Variants in TRAPPC12 observed in about 807,000 individuals in gnomAD.
The protein encoded by TRAPPC12 is trafficking protein particle complex subunit 12.
Under a neutral mutation model 69.2 loss-of-function variants are expected in TRAPPC12, and 61 were observed. The observed-to-expected ratio is 0.88, with a 90% CI of 0.72 to 1.09. The LOEUF (loss-of-function observed/expected upper bound fraction) is 1.09. Ranked by LOEUF, TRAPPC12 falls within the 50% of genes least tolerant of loss-of-function variation. TRAPPC12 has a pLI of 0.00. For synonymous variants in TRAPPC12, 469 were observed against 438.9 expected, an observed-to-expected ratio of 1.07 and a Z score of -0.86; for missense variants, 1,101 against 1,016.4, an observed-to-expected ratio of 1.08 and a Z score of -1.13.
intron 3 of TRAPPC12, among the ~76,000 whole-genome samples, chr2:3,402,836 G>A (rs1167871856): frequency 6.6e-6 from 1 of 152,182 alleles, no homozygotes; most frequent in African/African-American, 2.4e-5. Flanking sequence ...CCCCAGTGTT[G>A]TCTCCTTAGG....
At chr2:3,442,144 AGTCTGT>A (rs1664253545) in intron 5 of TRAPPC12, among the ~76,000 whole-genome samples, 1 of 152,086 alleles carries the variant, frequency 6.6e-6, no homozygotes, top group African/African-American at 2.4e-5. Context: ...ATTAACAGCT[AGTCTGT>A]ACGTTGAGAT....
At chr2:3,431,170 C>T (rs898387162) in intron 5 of TRAPPC12, among the ~76,000 whole-genome samples, 38 of 152,252 alleles carry the variant, frequency 2.5e-4, no homozygotes, top group Non-Finnish European at 5.9e-5. Flanking sequence ...CCTTGAGGCC[C>T]TAGGCCACCT....
intron 2 of TRAPPC12, among the ~76,000 whole-genome samples, chr2:3,395,715 A>T (rs1351837971): frequency 1.3e-5 from 2 of 149,620 alleles, no homozygotes; most frequent in East Asian, 3.9e-4. Flanking sequence ...GGCACGCACC[A>T]CCACGCCCAG....
At chr2:3,433,612 A>AT (rs775523072) in intron 5 of TRAPPC12, among the ~76,000 whole-genome samples, 1 of 152,118 alleles carries the variant, frequency 6.6e-6, no homozygotes, top group Non-Finnish European at 1.5e-5. Flanking sequence ...GTTCCCTTTC[A>AT]TTTTTCACTG....
chr2:3,416,455 A>G (rs1428214756), intron 3 of TRAPPC12, among the ~76,000 whole-genome samples: 1 of 151,448 alleles, frequency 6.6e-6, no homozygotes, highest in Admixed American at 6.6e-5. Context: ...CCCCCAGGCC[A>G]CTTCCTAGGC....
intron 1 of TRAPPC12, among the ~76,000 whole-genome samples, chr2:3,381,187 A>G (rs999699256): frequency 6.6e-6 from 1 of 152,208 alleles, no homozygotes; most frequent in African/African-American, 2.4e-5. Flanking sequence ...ATAATAAGGT[A>G]AAATGCTTGA....
At chr2:3,437,749 C>G (rs868863280) in intron 5 of TRAPPC12, among the ~76,000 whole-genome samples, 5 of 9,104 alleles carry the variant, frequency 5.5e-4, no homozygotes, top group Non-Finnish European at 1.2e-3. Context: ...CCCCCCATCA[C>G]CCCTGGATTA....
At chr2:3,443,104 A>G (rs1434661384) in intron 5 of TRAPPC12, among the ~76,000 whole-genome samples, 2 of 152,236 alleles carry the variant, frequency 1.3e-5, no homozygotes, top group East Asian at 3.8e-4. Flanking sequence ...GTGATACGAT[A>G]TAAAGGGGGT....
At chr2:3,398,060 A>G (rs1270666163) in intron 2 of TRAPPC12, among the ~76,000 whole-genome samples, 1 of 152,206 alleles carries the variant, frequency 6.6e-6, no homozygotes, top group Non-Finnish European at 1.5e-5. Context: ...AGTCCCAGTT[A>G]CCCTGAAATG....
intron 5 of TRAPPC12, among the ~76,000 whole-genome samples, chr2:3,441,781 T>C (rs2103097585): frequency 1.3e-5 from 2 of 152,242 alleles, no homozygotes; most frequent in East Asian, 3.9e-4. Context: ...TTTTCAAAGG[T>C]GAAGCTGGTT....
chr2:3,461,257 G>A (rs528626050), intron 8 of TRAPPC12, among the ~76,000 whole-genome samples: 32 of 152,290 alleles, frequency 2.1e-4, no homozygotes, highest in African/African-American at 6.5e-4. Context: ...CTGTGACCCC[G>A]GGCACTGCTC....
At chr2:3,453,336 G>A (rs958962754) in intron 6 of TRAPPC12, among the ~76,000 whole-genome samples, 1 of 152,212 alleles carries the variant, frequency 6.6e-6, no homozygotes, top group African/African-American at 2.4e-5. Flanking sequence ...GTCGGGAACA[G>A]CTCCCAGGGA....
intron 9 of TRAPPC12, among the ~76,000 whole-genome samples, chr2:3,466,746 T>A (rs1214641560): frequency 3.3e-5 from 5 of 152,100 alleles, no homozygotes; most frequent in African/African-American, 1.2e-4. Flanking sequence ...AGCAGATGAC[T>A]GTCACTGAAT....
rs1205268640 is a variant in TRAPPC12, at chr2:3,390,804, G to A, written c.1047+2134G>A. On this transcript the variant is annotated intron_variant, in intron 2 of 11. Coordinates refer to ENST00000324266, the MANE Select transcript of TRAPPC12 (RefSeq NM_016030.6). ...TAGGTGGACCACTCTGGCGAGGTGC[G>A]TTGATCATGGGGAAGACTGTGTGTG... is the stretch of plus-strand genomic sequence containing the variant. Among the ~76,000 whole-genome samples the A allele has an allele frequency of 2.6e-5, 4 of 152,280 alleles. No homozygotes were observed. The South Asian group carries it at 8.3e-4, about 32-fold the overall frequency.
At chr2:3,430,689 C>T (rs149451881) in intron 5 of TRAPPC12, among the ~76,000 whole-genome samples, 110 of 152,230 alleles carry the variant, frequency 7.2e-4, no homozygotes, top group African/African-American at 2.5e-3. Context: ...CTTTTTTGTT[C>T]GCAACATGAC....
Position 3,421,930 on chromosome 2 carries a change from C to T in TRAPPC12, c.1214C>T (p.Thr405Ile), listed in dbSNP as rs1399452268. 6.2e-7 allele frequency: 1 copy of T among 1,613,846 alleles called. No individual in the cohort carries two copies. The highest frequency in any genetic ancestry group is 8.5e-7 in the Non-Finnish European group (1 of 1,179,994). ...AAVDLCGRLL[T>I]AHGQGYGKSG... is the part of the protein sequence containing the mutation. ...GTGGACCTGTGCGGACGTCTCCTCA[C>T]AGCCCACGGCCAGGGCTACGGCAAG... The change falls in exon 4 of 12, where the codon ACA becomes ATA. Residue 405 changes from threonine to isoleucine, a missense_variant. By Grantham distance (89) the Thr-to-Ile change is moderately conservative (BLOSUM62 -1). Coordinates refer to ENST00000324266, the MANE Select transcript of TRAPPC12 (RefSeq NM_016030.6).
Position 3,479,274 on chromosome 2 carries a change from T to C in TRAPPC12, c.2021T>C (p.Leu674Pro). 1 of 1,614,140 alleles carries C rather than the reference T, an allele frequency of 6.2e-7. No homozygotes were observed. Among genetic ancestry groups the C allele is most frequent in the Non-Finnish European group, 8.5e-7 (1 of 1,180,030 alleles). The change falls in exon 12 of 12, where the codon CTG (leucine) becomes CCG (proline). Residue 674 changes from leucine (L) to proline (P), a missense_variant. Leu to Pro is a moderately conservative substitution (Grantham distance 98). Transcript: ENST00000324266. ...TACCTGGGCAAGCTCAAGGACTCCCTGCGGCAGCTGGAGGCCATGGTCCAG... is the reference window on the plus strand; with the variant it reads ...TACCTGGGCAAGCTCAAGGACTCCCCGCGGCAGCTGGAGGCCATGGTCCAG... ...LLYLGKLKDS[L>P]RQLEAMVQQD...
At chr2:3,439,435 A>G (rs968284051) in intron 5 of TRAPPC12, among the ~76,000 whole-genome samples, 59 of 152,180 alleles carry the variant, frequency 3.9e-4, no homozygotes, top group African/African-American at 1.4e-3. Flanking sequence ...CTAGGACTGT[A>G]GGCACACCTG....
rs547695995 is a variant in TRAPPC12, at chr2:3,455,092, G to A, written c.1531-2529G>A. ...CACCCCGGGGACCGCCAGTGGGCGT[G>A]TTCGAGGCTCCGCTGACCAGGGCGC... On this transcript the variant is annotated intron_variant, in intron 6 of 11. Transcript: ENST00000324266. 4 of 152,424 alleles carry A rather than the reference G, an allele frequency of 2.6e-5. No homozygotes were observed. In the South Asian group the frequency reaches 6.2e-4, roughly 24 times the overall value. 9.4% of individuals were successfully genotyped at this position (152,424 alleles called of 1,614,324 possible).
Sources: allele counts gnomAD v4.1 joint callset (sites outside exome capture counted in the v4.1 genomes callset), GRCh38; gene constraint gnomAD v4.1.1; transcripts MANE v1.5; gene names NCBI Gene and HGNC (gene_info 2026-07-23, HGNC 2026-07-21).